Variants in NRG3 observed in about 807,000 individuals in gnomAD.
NRG3 encodes the protein pro-neuregulin-3, membrane-bound isoform.
Under a neutral mutation model 66.9 loss-of-function variants are expected in NRG3, and 31 were observed. The observed-to-expected ratio is 0.46, with a 90% CI of 0.35 to 0.63. The LOEUF (loss-of-function observed/expected upper bound fraction) is 0.63, where lower values mean the gene tolerates loss of function less well. Ranked by LOEUF, NRG3 falls within the 20% of genes least tolerant of loss-of-function variation. The pLI, the probability that NRG3 is intolerant of heterozygous loss-of-function variation, is 0.00. For synonymous variants in NRG3, 393 were observed against 359.4 expected (o/e 1.09, Z -1.06); for missense variants, 910 against 878.9 (o/e 1.04, Z -0.45).
chr10:82,506,196 C>G (rs1397504864), intron 2 of NRG3, among the ~76,000 whole-genome samples: 2 of 152,128 alleles, frequency 1.3e-5, no homozygotes, highest in Non-Finnish European at 2.9e-5. Context: ...TGCAGTGAGT[C>G]GAGATTGCGC....
intron 2 of NRG3, among the ~76,000 whole-genome samples, chr10:82,577,323 C>T (rs540766507): frequency 5.9e-5 from 9 of 151,664 alleles, no homozygotes; most frequent in African/African-American, 1.9e-4. Context: ...TAACAGAAGT[C>T]GTCAATATGT....
intron 1 of NRG3, among the ~76,000 whole-genome samples, chr10:82,257,087 T>C (rs1335158798): frequency 6.6e-6 from 1 of 152,216 alleles, no homozygotes. Context: ...GATTGCAAGA[T>C]AGTCTTAAAT....
At chr10:82,872,919 C>G (rs1591793636) in intron 4 of NRG3, among the ~76,000 whole-genome samples, 2 of 152,196 alleles carry the variant, frequency 1.3e-5, no homozygotes, top group South Asian at 4.2e-4. Context: ...GTCTTTCTTC[C>G]TGTATCTATC....
chr10:82,974,618 A>G (rs980175551), intron 7 of NRG3, among the ~76,000 whole-genome samples: 2 of 152,206 alleles, frequency 1.3e-5, no homozygotes, highest in Admixed American at 6.5e-5. Context: ...TACATCCTCA[A>G]TCTTTATGGA....
chr10:82,587,440 C>T (rs542302903), intron 2 of NRG3, among the ~76,000 whole-genome samples: 69 of 151,994 alleles, frequency 4.5e-4, no homozygotes, highest in Non-Finnish European at 7.2e-4. Flanking sequence ...AACAAAAGCT[C>T]CTTGGCATCC....
In NRG3 at chr10:82,798,833, C is replaced by T. The variant is rs982331710; in HGVS notation, c.1027+60183C>T. On this transcript the variant is annotated intron_variant, in intron 3 of 8. Transcript: ENST00000372141. ...AATGCATTTTGTAATCTCACATCAA[C>T]TTGATTTTTACTCACATTTCCCACT... Among the ~76,000 whole-genome samples the T allele has an allele frequency of 2.6e-5, 4 of 152,266 alleles. No homozygotes were observed. In the South Asian group the frequency reaches 8.3e-4, roughly 32 times the overall value.
At chr10:82,301,761 T>A (rs1472035665) in intron 1 of NRG3, among the ~76,000 whole-genome samples, 1 of 150,280 alleles carries the variant, frequency 6.7e-6, no homozygotes, top group African/African-American at 2.4e-5. Flanking sequence ...GATTGTACTT[T>A]TAAGCTTAAA....
chr10:82,731,709 A>G (rs2057916719), intron 2 of NRG3, among the ~76,000 whole-genome samples: 1 of 152,200 alleles, frequency 6.6e-6, no homozygotes, highest in East Asian at 1.9e-4. Flanking sequence ...TTTCTGGGCT[A>G]TTGTGAATAG....
At chr10:82,555,803 C>A (rs1578211) in intron 2 of NRG3, among the ~76,000 whole-genome samples, 1 of 152,232 alleles carries the variant, frequency 6.6e-6, no homozygotes, top group Non-Finnish European at 1.5e-5. Flanking sequence ...ATTTTATAAA[C>A]GTAGTTTAGA....
chr10:82,676,772 G>A (rs1334975533), intron 2 of NRG3, among the ~76,000 whole-genome samples: 1 of 152,018 alleles, frequency 6.6e-6, no homozygotes, highest in Non-Finnish European at 1.5e-5. Context: ...CGGAGCCATG[G>A]CGCCCAGCCT....
chr10:82,132,749 T>G (rs2069021825), intron 1 of NRG3, among the ~76,000 whole-genome samples: 1 of 151,266 alleles, frequency 6.6e-6, no homozygotes, highest in African/African-American at 2.4e-5. Context: ...TTTGATCTCA[T>G]TACTTGTTAT....
At chr10:82,975,836 T>C (rs750160962) in intron 7 of NRG3, among the ~76,000 whole-genome samples, 2 of 152,204 alleles carry the variant, frequency 1.3e-5, no homozygotes, top group African/African-American at 2.4e-5. Flanking sequence ...ATATACTTTG[T>C]TGTTATGACA....
chr10:82,693,723 G>A (rs898526881), intron 2 of NRG3, among the ~76,000 whole-genome samples: 10 of 152,058 alleles, frequency 6.6e-5, no homozygotes, highest in African/African-American at 1.2e-4. Context: ...TGGTGCATCC[G>A]GAGTTTGTTC....
intron 1 of NRG3, among the ~76,000 whole-genome samples, chr10:82,355,308 C>A (rs970914921): frequency 7.2e-5 from 11 of 152,152 alleles, no homozygotes; most frequent in Non-Finnish European, 1.5e-4. Context: ...CAGCTGGATA[C>A]ATTAGAGCAC....
chr10:82,290,846 T>C (rs2134594352), intron 1 of NRG3, among the ~76,000 whole-genome samples: 1 of 151,302 alleles, frequency 6.6e-6, no homozygotes, highest in Admixed American at 6.6e-5. Context: ...GGTTTCACCA[T>C]GTTAGCCAGG....
chr10:81,982,010 A>AT (rs986387840), intron 1 of NRG3, among the ~76,000 whole-genome samples: 1 of 151,688 alleles, frequency 6.6e-6, no homozygotes, highest in African/African-American at 2.4e-5. Flanking sequence ...CATACCTTTT[A>AT]TTTTTTTTCA....
intron 2 of NRG3, among the ~76,000 whole-genome samples, chr10:82,411,675 A>G (rs1027554277): frequency 6.6e-6 from 1 of 152,150 alleles, no homozygotes; most frequent in African/African-American, 2.4e-5. Flanking sequence ...TTCTAAGTGA[A>G]TAACTGTTTG....
chr10:82,361,317 A>T (rs915127518), intron 2 of NRG3, among the ~76,000 whole-genome samples: 2 of 152,222 alleles, frequency 1.3e-5, no homozygotes, highest in Non-Finnish European at 2.9e-5. Flanking sequence ...GCTAATCATG[A>T]CAAAAGACTA....
chr10:82,295,770 A>G (rs1027421356), intron 1 of NRG3, among the ~76,000 whole-genome samples: 1 of 152,112 alleles, frequency 6.6e-6, no homozygotes, highest in African/African-American at 2.4e-5. Flanking sequence ...ATATTTTCTC[A>G]ACGTCATCTA....
Sources: gnomAD v4.1 joint callset for allele counts (sites outside exome capture counted in the v4.1 genomes callset) on GRCh38, gnomAD v4.1.1 for gene constraint, MANE v1.5 for transcripts, NCBI Gene and HGNC (gene_info 2026-07-23, HGNC 2026-07-21) for gene names.